ASPHD1: variants seen among roughly 807,000 people sequenced by gnomAD.
ASPHD1 encodes aspartate beta-hydroxylase domain containing 1.
A neutral mutation model predicts 28.3 loss-of-function variants in ASPHD1; 20 were observed. The observed-to-expected ratio is 0.71, with a 90% confidence interval of 0.50 to 1.03. The LOEUF is 1.03. Ranked by LOEUF, ASPHD1 falls within the 50% of genes least tolerant of loss-of-function variation. ASPHD1 has a pLI of 0.00. For missense variants in ASPHD1, 479 were observed against 524.1 expected, an observed-to-expected ratio of 0.91 and a Z score of 0.84; for synonymous variants, 240 against 221.2, an observed-to-expected ratio of 1.08 and a Z score of -0.75.
At chr16:29,912,856 G>GT (rs2068741577) in intron 3 of ASPHD1, among the ~76,000 whole-genome samples, 3 of 152,182 alleles carry the variant, frequency 2.0e-5, no homozygotes, top group Non-Finnish European at 4.4e-5. Flanking sequence ...CTGATGCTCT[G>GT]TATTTGTTGA....
rs1330581060 is a variant in ASPHD1, at chr16:29,901,683, C to T, written c.712C>T (p.Pro238Ser). The change falls in exon 1 of 3, where the codon CCT (proline) becomes TCT (serine). Residue 238 changes from proline to serine, a missense_variant. Physicochemically the swap from Pro to Ser is moderately conservative, Grantham distance 74 (BLOSUM62 -1). Coordinates refer to ENST00000308748, the MANE Select transcript of ASPHD1 (RefSeq NM_181718.4). The surrounding 1 kb of genome is among the most constrained non-coding windows in gnomAD (Gnocchi z 5.1). ...SWDFSGTTPP[P>S]RGWSPPLAPG... ...GGACTTCTCAGGGACTACCCCTCCG[C>T]CTCGGGGCTGGTCCCCACCTCTGGC... is the stretch of plus-strand genomic sequence containing the variant. 13 of 1,584,986 alleles carry T rather than the reference C, an allele frequency of 8.2e-6. No individual in the cohort carries two copies. The highest frequency in any genetic ancestry group is 1.1e-5 in the Non-Finnish European group (13 of 1,170,132).
chr16:29,911,547 T>C, intron 3 of ASPHD1: 1 of 589,238 alleles, frequency 1.7e-6, no homozygotes, highest in South Asian at 2.0e-5. Flanking sequence ...GGGGGAGGAC[T>C]CTGCCAGTTC....
chr16:29,906,854 CA>C (rs2150831363), downstream of ASPHD1: 2 of 1,603,904 alleles, frequency 1.2e-6, no homozygotes, highest in East Asian at 2.2e-5. Flanking sequence ...AAGAGGAAGG[CA>C]GGGGGAGGGT....
At chr16:29,906,941 C>G, downstream of ASPHD1, 1 of 1,614,178 alleles carries the variant, frequency 6.2e-7, no homozygotes, top group Non-Finnish European at 8.5e-7. Context: ...GGACATGGAT[C>G]CTGCGGACAC....
upstream of ASPHD1, chr16:29,900,445 G>A (rs1020119695): frequency 6.3e-6 from 1 of 158,630 alleles, no homozygotes. Flanking sequence ...GGCGGGGGGG[G>A]TGGGGAGGCA....
In ASPHD1 at chr16:29,919,039, C is replaced by A. The variant is rs191193915; in HGVS notation, c.*63-492C>A. Among the ~76,000 whole-genome samples, 722 of 152,342 alleles carry A rather than the reference C, an allele frequency of 4.7e-3. 5 individuals are homozygous for A. Among genetic ancestry groups the A allele is most frequent in the African/African-American group, 0.016 (670 of 41,572 alleles). ...AAACTCCTGACCTCAAGTGATCCAC[C>A]TGCCTTGGCCTCCCAAAGTGCTGGG... On this transcript the variant is annotated intron_variant and NMD_transcript_variant, in intron 3 of 3. Transcript: ENST00000414952.
chr16:29,905,181 T>C, intron 2 of ASPHD1: 1 of 460,400 alleles, frequency 2.2e-6, no homozygotes, highest in Non-Finnish European at 3.9e-6. Flanking sequence ...TAATATTACG[T>C]ACACAGAAAA....
At chr16:29,915,542 C>G (rs1160705427) in intron 3 of ASPHD1, among the ~76,000 whole-genome samples, 5 of 151,180 alleles carry the variant, frequency 3.3e-5, no homozygotes, top group African/African-American at 1.2e-4. Flanking sequence ...ATCGCAGCTA[C>G]TCAGGAGGCT....
Position 29,918,353 on chromosome 16 carries a change from A to G in ASPHD1, c.*63-1178A>G, listed in dbSNP as rs548267752. Among the ~76,000 whole-genome samples the G allele has an allele frequency of 2.0e-5, 3 of 152,380 alleles. No homozygotes were observed. The East Asian group carries it at 5.8e-4, about 29-fold the overall frequency. ...CCAATTATGAACGTCATTAATGACG[A>G]GTCATATTAACAATATTATGGGTTG... On this transcript the variant is annotated intron_variant and NMD_transcript_variant, in intron 3 of 3. Transcript: ENST00000414952.
chr16:29,917,965 C>T (rs1472947090), intron 3 of ASPHD1, among the ~76,000 whole-genome samples: 1 of 151,858 alleles, frequency 6.6e-6, no homozygotes, highest in Non-Finnish European at 1.5e-5. Context: ...AAAAATAAAA[C>T]TACAAAGCTC....
chr16:29,905,010 C>A, intron 2 of ASPHD1, 45 bp downstream of exon 2: 1 of 1,445,668 alleles, frequency 6.9e-7, no homozygotes, highest in Non-Finnish European at 9.7e-7. Context: ...GACTCAGGAG[C>A]AAAGGAGCGT....
intron 2 of ASPHD1, among the ~76,000 whole-genome samples, chr16:29,905,498 A>G (rs1331042856): frequency 6.6e-6 from 1 of 151,838 alleles, no homozygotes; most frequent in Non-Finnish European, 1.5e-5. Flanking sequence ...TGTGGTGATG[A>G]GCACCTGAAA....
Position 29,901,481 on chromosome 16 carries a change from G to GGT in ASPHD1, c.511_512insTG (p.Gly171ValfsTer13), listed in dbSNP as rs2068546785. The stretch of plus-strand genomic sequence containing the variant: ...TGGGTAGAGTGAGGCGGGCAGCTCA[G>GGT]GGTGGCCCAGGCCCTGGGAGAGGGC... On this transcript the variant is annotated frameshift_variant, in exon 1 of 3. Transcript: ENST00000308748. LOFTEE classifies it high-confidence loss of function. This position sits in a 1 kb window ranked among gnomAD's most constrained non-coding sequence, Gnocchi z 5.1. 6.2e-7 allele frequency: 1 copy of GGT among 1,603,046 alleles called. No individual in the cohort carries two copies.
At chr16:29,906,655 C>T (rs916314639), downstream of ASPHD1, 8 of 680,462 alleles carry the variant, frequency 1.2e-5, no homozygotes, top group Non-Finnish European at 1.9e-5. Context: ...GTGTTGGCTT[C>T]GGAAGGCTCT....
chr16:29,911,723 C>T lies in ASPHD1; in HGVS notation c.*62+5764C>T, dbSNP rs138993780. ...GAGCAGGCACAGATGTTCTTGTAGG[C>T]CCCCCGTGTGGCCGTGGCCCTCGCC... On this transcript the variant is annotated intron_variant and NMD_transcript_variant, in intron 3 of 3. Transcript: ENST00000414952. The T allele has an allele frequency of 1.8e-4, 248 of 1,355,450 alleles. 2 individuals are homozygous for T. In the East Asian group the frequency reaches 5.4e-3, roughly 29 times the overall value. The allele number at this position is 1,355,450 out of a possible 1,614,324, so 84.0% of individuals were successfully genotyped here.
chr16:29,901,727 C>T lies in ASPHD1; in HGVS notation c.756C>T (p.Leu252=). The change falls in exon 1 of 3, where the codon CTC becomes CTT. Residue 252 remains leucine (L), a synonymous_variant. Coordinates refer to ENST00000308748, the MANE Select transcript of ASPHD1 (RefSeq NM_181718.4). The surrounding 1 kb of genome is among the most constrained non-coding windows in gnomAD (Gnocchi z 5.1). ...SPPLAPGCYQ[L]LLYQAGRCQP... ...CTCTGGCCCCCGGGTGCTACCAGCT[C>T]CTGCTGTACCAAGCAGGCCGGTGCC... 6.4e-7 allele frequency: 1 copy of T among 1,564,396 alleles called. No homozygotes were observed. Among genetic ancestry groups the T allele is most frequent in the Non-Finnish European group, 8.6e-7 (1 of 1,158,206 alleles).
downstream of ASPHD1, chr16:29,906,820 G>C (rs2068621000): frequency 1.3e-6 from 2 of 1,517,730 alleles, no homozygotes; most frequent in Non-Finnish European, 9.1e-7. Flanking sequence ...GGGAGGGAAA[G>C]AGAGAGGGAC....
chr16:29,911,744 T>A, intron 3 of ASPHD1: 1 of 1,561,994 alleles, frequency 6.4e-7, no homozygotes, highest in South Asian at 1.1e-5. Flanking sequence ...GCCGTGGCCC[T>A]CGCCTTGGGC....
At position 29,901,801 on chromosome 16, in the gene ASPHD1, G is replaced by C; in HGVS notation, c.830G>C (p.Gly277Ala). 5 of 1,562,298 alleles carry C rather than the reference G, an allele frequency of 3.2e-6. No individual in the cohort carries two copies. Among genetic ancestry groups the C allele is most frequent in the Non-Finnish European group, 4.3e-6 (5 of 1,153,844 alleles). Residue 277 changes from glycine (G) to alanine (A), a missense_variant, in exon 1 of 3, where the codon GGG (glycine) becomes GCG (alanine). Gly to Ala is a moderately conservative substitution (Grantham distance 60). Coordinates refer to ENST00000308748, the MANE Select transcript of ASPHD1 (RefSeq NM_181718.4). The surrounding 1 kb of genome is among the most constrained non-coding windows in gnomAD (Gnocchi z 5.1). Reference sequence around the variant, plus strand: ...CCGGGGGCCTATCGGGCACTGAGGGGGCTTCGAAGCTTTATGAGTGCCAAC... The same window carrying C: ...CCGGGGGCCTATCGGGCACTGAGGGCGCTTCGAAGCTTTATGAGTGCCAAC... ...RCPGAYRALR[G>A]LRSFMSANTF...
Sources: gnomAD v4.1 joint callset for allele counts (sites outside exome capture counted in the v4.1 genomes callset) on GRCh38, gnomAD v4.1.1 for gene constraint, Gnocchi (gnomAD v3.1) non-coding constraint, MANE v1.5 for transcripts, NCBI Gene and HGNC (gene_info 2026-07-23, HGNC 2026-07-21) for gene names.